The following SYK variants were observed in gnomAD, a reference collection of about 807,000 sequenced individuals.
The protein encoded by SYK is spleen associated tyrosine kinase.
A neutral mutation model predicts 77.8 loss-of-function variants in SYK; 16 were observed. That is an observed-to-expected ratio of 0.21 (90% CI 0.14 to 0.31). The LOEUF (loss-of-function observed/expected upper bound fraction) is 0.31. Ranked by LOEUF, SYK falls within the 10% of genes least tolerant of loss-of-function variation. The pLI is 1.00. For missense variants in SYK, 529 were observed against 814.4 expected (o/e 0.65, Z 4.26); for synonymous variants, 312 against 308.7 (o/e 1.01, Z -0.11).
At chr9:90,894,052 G>C (rs973654835) in intron 13 of SYK, among the ~76,000 whole-genome samples, 4 of 152,226 alleles carry the variant, frequency 2.6e-5, no homozygotes, top group African/African-American at 7.2e-5. Context: ...CTGAGGACGA[G>C]TCTGTATTCC....
chr9:90,862,242 G>A lies in SYK; in HGVS notation c.615G>A (p.Leu205=), dbSNP rs1373686539. 2 of 1,614,008 alleles carry A rather than the reference G, an allele frequency of 1.2e-6. No individual in the cohort carries two copies. The highest frequency in any genetic ancestry group is 1.7e-5 in the Admixed American group (1 of 60,008). The change falls in exon 4 of 14, where the codon CTG becomes CTA. Residue 205 remains leucine, a synonymous_variant. Coordinates refer to ENST00000375754, the MANE Select transcript of SYK (RefSeq NM_003177.7). ...RARDNNGSYA[L]CLLHEGKVLH... ...GAGACAACAACGGCTCCTACGCCCTGTGCCTGCTGCACGAAGGGAAGGTGC... is the reference window on the plus strand; with the variant it reads ...GAGACAACAACGGCTCCTACGCCCTATGCCTGCTGCACGAAGGGAAGGTGC...
intron 3 of SYK, among the ~76,000 whole-genome samples, chr9:90,847,637 G>A (rs1456646442): frequency 6.6e-6 from 1 of 152,250 alleles, no homozygotes; most frequent in East Asian, 1.9e-4. Context: ...GGGTATTAGT[G>A]AGAGGGAAGA....
intron 1 of SYK, among the ~76,000 whole-genome samples, chr9:90,837,307 C>A (rs982682445): frequency 6.6e-6 from 1 of 152,106 alleles, no homozygotes; most frequent in Non-Finnish European, 1.5e-5. Context: ...GTGAAATCTC[C>A]AGACCTTTGG....
chr9:90,870,108 A>G (rs760019852), intron 7 of SYK, among the ~76,000 whole-genome samples: 1 of 152,170 alleles, frequency 6.6e-6, no homozygotes, highest in Non-Finnish European at 1.5e-5. Flanking sequence ...CTCAAAAACA[A>G]AAAAAGAAAA....
chr9:90,891,001 G>A (rs748564737), intron 13 of SYK, among the ~76,000 whole-genome samples: 10 of 152,168 alleles, frequency 6.6e-5, no homozygotes, highest in Non-Finnish European at 1.0e-4. Context: ...TTTTATAGAC[G>A]AGCTTGAGTC....
At chr9:90,841,192 A>G (rs1826304201) in intron 1 of SYK, among the ~76,000 whole-genome samples, 1 of 144,422 alleles carries the variant, frequency 6.9e-6, no homozygotes, top group Non-Finnish European at 1.5e-5. Context: ...TGTAGTGTGT[A>G]GTATGTGTGT....
rs574977567 is a variant in SYK at position 90,895,235 on chromosome 9, A to G, written c.1836-293A>G. On this transcript the variant is annotated intron_variant, in intron 13 of 13. Coordinates refer to ENST00000375754, the MANE Select transcript of SYK (RefSeq NM_003177.7). The surrounding 1 kb of genome is among the most constrained non-coding windows in gnomAD (Gnocchi z 4.4). ...GCATATCTGAACCTGGGGCTAAAAC[A>G]CTCCCAGTTCTAATGCAAAAAGTCT... Among the ~76,000 whole-genome samples, 1 of 152,210 alleles carries G rather than the reference A, an allele frequency of 6.6e-6. No homozygotes were observed. The highest frequency in any genetic ancestry group is 1.9e-4 in the East Asian group (1 of 5,182).
chr9:90,848,924 G>A (rs548761422), intron 3 of SYK, among the ~76,000 whole-genome samples: 6 of 152,346 alleles, frequency 3.9e-5, no homozygotes, highest in South Asian at 4.1e-4. Context: ...CCATTGAGAA[G>A]AGGCCTGAAG....
At chr9:90,875,248 T>A (rs999082400) in intron 9 of SYK, among the ~76,000 whole-genome samples, 49 of 150,448 alleles carry the variant, frequency 3.3e-4, no homozygotes, top group Admixed American at 7.3e-4. Context: ...AAAAAATAAA[T>A]AAATAAATAA....
At chr9:90,839,507 C>T (rs1412824397) in intron 1 of SYK, among the ~76,000 whole-genome samples, 2 of 152,150 alleles carry the variant, frequency 1.3e-5, no homozygotes, top group African/African-American at 2.4e-5. Flanking sequence ...CAAGACCCGA[C>T]CACAGCCTGT....
intron 1 of SYK, among the ~76,000 whole-genome samples, chr9:90,840,102 A>G (rs1373399037): frequency 1.3e-5 from 2 of 152,160 alleles, no homozygotes; most frequent in Non-Finnish European, 2.9e-5. Context: ...GCAGTAAGGA[A>G]CATGCACCAA....
chr9:90,838,141 G>C (rs1826157359), intron 1 of SYK, among the ~76,000 whole-genome samples: 1 of 152,160 alleles, frequency 6.6e-6, no homozygotes, highest in South Asian at 2.1e-4. Flanking sequence ...CATCCAAGGG[G>C]GGACGTCAGA....
At chr9:90,864,376 G>A (rs546827548) in intron 4 of SYK, among the ~76,000 whole-genome samples, 1 of 152,310 alleles carries the variant, frequency 6.6e-6, no homozygotes, top group East Asian at 1.9e-4. Context: ...GCCCTTTACA[G>A]AAAAAATTTG....
chr9:90,817,745 T>C (rs1410083911), intron 1 of SYK, among the ~76,000 whole-genome samples: 1 of 152,160 alleles, frequency 6.6e-6, no homozygotes, highest in African/African-American at 2.4e-5. Flanking sequence ...TCAGCATCAT[T>C]GTACAAATCC....
chr9:90,838,098 C>G (rs147483291), intron 1 of SYK, among the ~76,000 whole-genome samples: 1 of 152,298 alleles, frequency 6.6e-6, no homozygotes, highest in East Asian at 1.9e-4. Flanking sequence ...AAAGCCTCAT[C>G]TGGAGTATGT....
intron 11 of SYK, 136 bp from the exon 12 acceptor site, chr9:90,887,613 G>A: frequency 1.0e-6 from 1 of 963,752 alleles, no homozygotes; most frequent in Non-Finnish European, 1.5e-6. Flanking sequence ...CTCTTGGCCA[G>A]GCTGGTCTCA....
At chr9:90,871,316 C>G (rs780624749) in intron 7 of SYK, among the ~76,000 whole-genome samples, 1 of 152,234 alleles carries the variant, frequency 6.6e-6, no homozygotes, top group Non-Finnish European at 1.5e-5. Flanking sequence ...TTGTTGCTCA[C>G]TGTGCAGAAC....
intron 13 of SYK, among the ~76,000 whole-genome samples, chr9:90,889,896 G>T (rs530191343): frequency 1.3e-5 from 2 of 152,380 alleles, no homozygotes; most frequent in African/African-American, 4.8e-5. Flanking sequence ...ACTGGACCCT[G>T]GGGAGGGCAG....
At chr9:90,835,853 A>G (rs1167739439) in intron 1 of SYK, among the ~76,000 whole-genome samples, 4 of 152,214 alleles carry the variant, frequency 2.6e-5, no homozygotes, top group Non-Finnish European at 4.4e-5. Flanking sequence ...GCAACATACA[A>G]TTTTGACCCT....
Sources: allele counts gnomAD v4.1 joint callset (sites outside exome capture counted in the v4.1 genomes callset), GRCh38; gene constraint gnomAD v4.1.1; non-coding constraint Gnocchi (gnomAD v3.1); transcripts MANE v1.5; gene names NCBI Gene and HGNC (gene_info 2026-07-23, HGNC 2026-07-21).